The following CNTNAP5 variants were observed in gnomAD, a reference collection of about 807,000 sequenced individuals.
CNTNAP5 encodes contactin-associated protein-like 5.
A neutral mutation model predicts 150.2 loss-of-function variants in CNTNAP5; 72 were observed. That is an observed-to-expected ratio of 0.48 (90% CI 0.40 to 0.58). The LOEUF is 0.58. Ranked by LOEUF, CNTNAP5 falls within the 20% of genes least tolerant of loss-of-function variation. The pLI is 0.00. For missense variants in CNTNAP5, 1,636 were observed against 1,626.2 expected (o/e 1.01, Z -0.10); for synonymous variants, 672 against 619.8 (o/e 1.08, Z -1.25).
chr2:124,358,973 A>G (rs574174260), intron 3 of CNTNAP5, among the ~76,000 whole-genome samples: 21 of 150,048 alleles, frequency 1.4e-4, no homozygotes, highest in African/African-American at 5.1e-4. Flanking sequence ...TTATTGCCAC[A>G]ATTTCAGCTC....
At chr2:124,338,547 C>G (rs1689532656) in intron 3 of CNTNAP5, among the ~76,000 whole-genome samples, 2 of 152,030 alleles carry the variant, frequency 1.3e-5, no homozygotes, top group African/African-American at 4.8e-5. Flanking sequence ...GATAAAAAGT[C>G]TGAATGTGTG....
intron 7 of CNTNAP5, among the ~76,000 whole-genome samples, chr2:124,488,711 C>T (rs1693948809): frequency 6.6e-6 from 1 of 152,100 alleles, no homozygotes; most frequent in African/African-American, 2.4e-5. Flanking sequence ...AGTAAATATT[C>T]ATTGAAGCTT....
At chr2:124,510,989 C>T (rs1230953814) in intron 8 of CNTNAP5, among the ~76,000 whole-genome samples, 3 of 152,198 alleles carry the variant, frequency 2.0e-5, no homozygotes, top group Non-Finnish European at 4.4e-5. Context: ...ATGGGGACCT[C>T]TCACATGGTC....
chr2:124,351,381 T>G lies in CNTNAP5; in HGVS notation c.382-66062T>G, dbSNP rs1322448242. Reference sequence around the variant, plus strand: ...CTATACATCCTGGCTCCACTGGCTGTCTATCATTTGTTCAGTTCACCTTCT... The same window carrying G: ...CTATACATCCTGGCTCCACTGGCTGGCTATCATTTGTTCAGTTCACCTTCT... On this transcript the variant is annotated intron_variant, in intron 3 of 23. Transcript: ENST00000682447. 2.0e-5 allele frequency among the ~76,000 whole-genome samples: 3 copies of G among 152,152 alleles called. No homozygotes were observed. The East Asian group carries it at 5.8e-4, about 29-fold the overall frequency.
chr2:124,296,920 T>C (rs1448197503), intron 3 of CNTNAP5, among the ~76,000 whole-genome samples: 1 of 152,174 alleles, frequency 6.6e-6, no homozygotes, highest in African/African-American at 2.4e-5. Context: ...CGTTCTGCAA[T>C]CCTGTTCAGC....
intron 21 of CNTNAP5, among the ~76,000 whole-genome samples, chr2:124,874,023 A>C (rs553199528): frequency 8.5e-4 from 129 of 152,132 alleles, no homozygotes; most frequent in African/African-American, 2.9e-3. Flanking sequence ...TAAATAAAGC[A>C]GTTTTTTGTT....
chr2:124,658,609 A>G (rs1006893551), intron 13 of CNTNAP5, among the ~76,000 whole-genome samples: 2 of 152,182 alleles, frequency 1.3e-5, no homozygotes, highest in Non-Finnish European at 2.9e-5. Flanking sequence ...CTCAGAACAT[A>G]CTTTCCTTAC....
intron 1 of CNTNAP5, among the ~76,000 whole-genome samples, chr2:124,149,700 AAC>A (rs1454575138): frequency 1.3e-5 from 2 of 152,220 alleles, no homozygotes; most frequent in Non-Finnish European, 2.9e-5. Flanking sequence ...TGAGAATAGC[AAC>A]AGTCAGGCTG....
intron 16 of CNTNAP5, among the ~76,000 whole-genome samples, chr2:124,771,418 G>A (rs1004878359): frequency 6.6e-6 from 1 of 151,910 alleles, no homozygotes; most frequent in Non-Finnish European, 1.5e-5. Flanking sequence ...GAGCAACATC[G>A]TGAAGAACCC....
At chr2:124,396,544 G>C (rs1253586983) in intron 3 of CNTNAP5, among the ~76,000 whole-genome samples, 2 of 152,186 alleles carry the variant, frequency 1.3e-5, no homozygotes. Flanking sequence ...GCTACAACAA[G>C]CATTATTTTG....
intron 3 of CNTNAP5, among the ~76,000 whole-genome samples, chr2:124,319,859 C>T (rs1221953406): frequency 3.3e-5 from 5 of 152,156 alleles, no homozygotes; most frequent in Middle Eastern, 3.2e-3. Context: ...GCCAGTGCAA[C>T]GTGATGGCTA....
intron 3 of CNTNAP5, among the ~76,000 whole-genome samples, chr2:124,296,198 C>T (rs998621501): frequency 2.0e-4 from 31 of 152,088 alleles, no homozygotes; most frequent in African/African-American, 7.5e-4. Context: ...ATTAGCTGCT[C>T]ACAACAGAAA....
rs531845838 is a variant in CNTNAP5 at position 124,328,100 on chromosome 2, G to GT, written c.381+85713dup. On this transcript the variant is annotated intron_variant, in intron 3 of 23. Coordinates refer to ENST00000682447, the MANE Select transcript of CNTNAP5 (RefSeq NM_001367498.1). ...AAGCAGAGCTACAGAAAGAAGAAAA[G>GT]TTTTTTAAAAAAGTTATGTTTAATT... Among the ~76,000 whole-genome samples, 41 of 151,762 alleles carry GT rather than the reference G, an allele frequency of 2.7e-4. No homozygotes were observed. In the South Asian group the frequency reaches 8.5e-3, roughly 32 times the overall value.
intron 1 of CNTNAP5, among the ~76,000 whole-genome samples, chr2:124,042,788 AT>A (rs1247495611): frequency 3.5e-5 from 3 of 86,820 alleles, no homozygotes; most frequent in African/African-American, 1.6e-4. Flanking sequence ...TCTATCATCT[AT>A]CTATCTATCT....
At chr2:124,635,189 T>G (rs1677946781) in intron 12 of CNTNAP5, among the ~76,000 whole-genome samples, 2 of 152,008 alleles carry the variant, frequency 1.3e-5, no homozygotes, top group Admixed American at 1.3e-4. Context: ...CTTTCAATCG[T>G]AATGGAAAGT....
chr2:124,365,332 A>G (rs900594944), intron 3 of CNTNAP5, among the ~76,000 whole-genome samples: 2 of 152,008 alleles, frequency 1.3e-5, no homozygotes, highest in African/African-American at 4.8e-5. Context: ...AGGAAAAAAA[A>G]AAAAAAAGGA....
intron 7 of CNTNAP5, among the ~76,000 whole-genome samples, chr2:124,493,523 G>A (rs1250519169): frequency 6.6e-6 from 1 of 151,758 alleles, no homozygotes; most frequent in African/African-American, 2.4e-5. Flanking sequence ...TATATTTTTA[G>A]TAGAGACGGG....
At chr2:124,510,516 T>TATATATAC (rs1553474741) in intron 8 of CNTNAP5, among the ~76,000 whole-genome samples, 74 of 123,078 alleles carry the variant, frequency 6.0e-4, no homozygotes, top group African/African-American at 2.3e-3. Flanking sequence ...TATATATATA[T>TATATATAC]ATACATATAT....
At chr2:124,515,210 T>C (rs1389922004) in intron 8 of CNTNAP5, among the ~76,000 whole-genome samples, 2 of 152,200 alleles carry the variant, frequency 1.3e-5, no homozygotes, top group African/African-American at 4.8e-5. Flanking sequence ...GCAGTGGAGA[T>C]TCAGTTGGTC....
Sources: gnomAD v4.1 joint callset for allele counts (sites outside exome capture counted in the v4.1 genomes callset) on GRCh38, gnomAD v4.1.1 for gene constraint, MANE v1.5 for transcripts, NCBI Gene and HGNC (gene_info 2026-07-23, HGNC 2026-07-21) for gene names.